The following FRYL variants were observed in gnomAD, a reference collection of about 807,000 sequenced individuals.
FRYL encodes the protein FRY like transcription coactivator, also known as protein furry homolog-like.
FRYL carries 150 observed loss-of-function variants against 351.2 expected under a neutral mutation model. That is an observed-to-expected ratio of 0.43 (90% CI 0.37 to 0.49). The LOEUF (loss-of-function observed/expected upper bound fraction) is 0.49, where lower values mean the gene tolerates loss of function less well. Ranked by LOEUF, FRYL falls within the 20% of genes least tolerant of loss-of-function variation. The pLI is 0.00. For synonymous variants in FRYL, 1,153 were observed against 1,257.1 expected (o/e 0.92, Z 1.75); for missense variants, 3,036 against 3,619.3 (o/e 0.84, Z 4.13).
chr4:48,712,276 C>G (rs556638451), intron 1 of FRYL, among the ~76,000 whole-genome samples: 1 of 152,020 alleles, frequency 6.6e-6, no homozygotes, highest in African/African-American at 2.4e-5. Context: ...CTCCGAGATA[C>G]AGGAGGAAAT....
At chr4:48,685,149 T>C (rs750706245) in intron 2 of FRYL, among the ~76,000 whole-genome samples, 13 of 152,354 alleles carry the variant, frequency 8.5e-5, no homozygotes, top group South Asian at 2.1e-4. Flanking sequence ...ACATTTCATC[T>C]GTAGATAATT....
intron 2 of FRYL, among the ~76,000 whole-genome samples, chr4:48,688,655 T>A: frequency 7.6e-6 from 1 of 132,440 alleles, no homozygotes; most frequent in African/African-American, 2.7e-5. Flanking sequence ...CTTCTCTTAG[T>A]CAATTTTTTT....
chr4:48,537,780 G>C (rs1315913343), intron 47 of FRYL, among the ~76,000 whole-genome samples: 1 of 152,190 alleles, frequency 6.6e-6, no homozygotes, highest in Non-Finnish European at 1.5e-5. Flanking sequence ...TCAAGGAGCT[G>C]TAACATCCTT....
Position 48,578,994 on chromosome 4 carries a change from A to G in FRYL, c.2507T>C (p.Leu836Ser). 1 of 1,610,434 alleles carries G rather than the reference A, an allele frequency of 6.2e-7. No individual in the cohort carries two copies. The highest frequency in any genetic ancestry group is 8.5e-7 in the Non-Finnish European group (1 of 1,178,644). Residue 836 changes from leucine (L) to serine (S), a missense_variant, in exon 23 of 64, where the codon TTG becomes TCG. Coordinates refer to ENST00000358350, the MANE Select transcript of FRYL (RefSeq NM_015030.2). ...TTACTTTATATCGACCTGAGGGGAC[A>G]ACAACTGAAGTCTTGTGTATGCAAA... ...WMFAYTRLQL[L>S]SPQVDINSPI... is the part of the protein sequence containing the mutation.
At chr4:48,692,921 G>C (rs1765805488) in intron 2 of FRYL, among the ~76,000 whole-genome samples, 1 of 152,144 alleles carries the variant, frequency 6.6e-6, no homozygotes, top group Admixed American at 6.5e-5. Context: ...TAATATTGTA[G>C]TGAATACCTT....
intron 45 of FRYL, among the ~76,000 whole-genome samples, chr4:48,541,523 T>C (rs1730159307): frequency 6.6e-6 from 1 of 152,214 alleles, no homozygotes; most frequent in African/African-American, 2.4e-5. Context: ...TGCTAATTGC[T>C]ATTATTACAA....
intron 22 of FRYL, among the ~76,000 whole-genome samples, chr4:48,579,557 G>T (rs1458597105): frequency 1.3e-5 from 2 of 152,062 alleles, no homozygotes; most frequent in Non-Finnish European, 1.5e-5. Flanking sequence ...ACCAAAAGCT[G>T]CCAGAGAACT....
chr4:48,719,084 C>G (rs1453804108), intron 1 of FRYL, among the ~76,000 whole-genome samples: 1 of 151,638 alleles, frequency 6.6e-6, no homozygotes, highest in African/African-American at 2.4e-5. Context: ...ATATTGCTTC[C>G]TAGCGCATAA....
chr4:48,597,036 C>G (rs936848893), intron 13 of FRYL, among the ~76,000 whole-genome samples: 3 of 152,132 alleles, frequency 2.0e-5, no homozygotes, highest in Non-Finnish European at 2.9e-5. Context: ...CCTGTCTCCA[C>G]TGCCAGATCC....
At chr4:48,583,159 T>G (rs1377516653) in intron 19 of FRYL, among the ~76,000 whole-genome samples, 1 of 151,798 alleles carries the variant, frequency 6.6e-6, no homozygotes, top group African/African-American at 2.4e-5. Flanking sequence ...AATCATTCTT[T>G]TTTTTTTTTT....
intron 4 of FRYL, among the ~76,000 whole-genome samples, chr4:48,632,092 ATATATATATATAT>A (rs1241776576): frequency 2.0e-4 from 2 of 10,002 alleles, no homozygotes; most frequent in African/African-American, 2.0e-4. Flanking sequence ...AAAAAAAAAA[ATATATATATATAT>A]ATATATATAT....
chr4:48,512,686 T>C lies in FRYL; in HGVS notation c.7940A>G (p.Gln2647Arg), dbSNP rs200061217. 126 of 1,608,596 alleles carry C rather than the reference T, an allele frequency of 7.8e-5. 1 individual carries two copies. In the African/African-American group the frequency reaches 1.4e-3, roughly 18 times the overall value. The change falls in exon 57 of 64, where the codon CAA becomes CGA. Residue 2647 changes from glutamine (Q) to arginine (R), a missense_variant and splice_region_variant. Around this residue, in one of 7 missense-constraint regions of FRYL, gnomAD observed 1,987 missense variants for 2,311.7 expected, o/e 0.86. Coordinates refer to ENST00000358350, the MANE Select transcript of FRYL (RefSeq NM_015030.2). ...EEADFSGLSS[Q>R]DEEEQDGFPE... ...AAAACCATCTTGCTCTTCTTCATCT[T>C]GACTATTAACACAGATATCATAAAT...
chr4:48,525,190 T>C (rs1258487235), intron 53 of FRYL, among the ~76,000 whole-genome samples: 1 of 146,666 alleles, frequency 6.8e-6, no homozygotes, highest in East Asian at 2.0e-4. Context: ...TATATATATA[T>C]ATATATACAC....
At chr4:48,542,265 T>C in intron 44 of FRYL, 144 bp from the exon 45 acceptor site, 2 of 645,358 alleles carry the variant, frequency 3.1e-6, no homozygotes, top group East Asian at 5.4e-5. Context: ...ATCTTGCTGA[T>C]TGATGCAAAC....
intron 3 of FRYL, among the ~76,000 whole-genome samples, chr4:48,666,643 G>C (rs984657056): frequency 2.0e-5 from 3 of 152,094 alleles, no homozygotes; most frequent in African/African-American, 7.2e-5. Flanking sequence ...TCCCCTACGT[G>C]ATTCTTAAGC....
chr4:48,629,054 A>G (rs1332245184), intron 4 of FRYL, among the ~76,000 whole-genome samples: 1 of 149,992 alleles, frequency 6.7e-6, no homozygotes, highest in Non-Finnish European at 1.5e-5. Context: ...ATAATATTAT[A>G]CAGTATTATA....
At chr4:48,703,708 A>G (rs559973341) in intron 2 of FRYL, among the ~76,000 whole-genome samples, 1 of 152,286 alleles carries the variant, frequency 6.6e-6, no homozygotes, top group East Asian at 1.9e-4. Context: ...CCACTTTTAC[A>G]TTCTCTCTTA....
chr4:48,727,522 G>GT (rs1353791294), intron 1 of FRYL: 1 of 152,190 alleles, frequency 6.6e-6, no homozygotes, highest in East Asian at 1.9e-4. Flanking sequence ...GAGGATCAGT[G>GT]TAAGAAAGTC....
In FRYL at chr4:48,499,458, G is replaced by A. The variant is rs759540468; in HGVS notation, c.9006C>T (p.Ala3002=). ...TGCTCACCATATTTCCCATTGGTTT[G>A]GCCTGTGCTAGAAGTTGGTATGATT... ...MVQSYQLLAQ[A]KPMGNMVSTG... The change falls in exon 64 of 64, where the codon GCC becomes GCT. Residue 3002 remains alanine, a synonymous_variant. Transcript: ENST00000358350. 1 of 1,613,828 alleles carries A rather than the reference G, an allele frequency of 6.2e-7. No homozygotes were observed.
Sources: allele counts gnomAD v4.1 joint callset (sites outside exome capture counted in the v4.1 genomes callset), GRCh38; gene constraint gnomAD v4.1.1; regional missense constraint gnomAD v4.1.1; transcripts MANE v1.5; gene names NCBI Gene and HGNC (gene_info 2026-07-23, HGNC 2026-07-21).